The following CAGE1 variants were observed in gnomAD, a reference collection of about 807,000 sequenced individuals.
The protein encoded by CAGE1 is cancer antigen 1.
In CAGE1, 66 loss-of-function variants were observed where a neutral mutation model predicts 94.9. The observed-to-expected ratio is 0.70, with a 90% CI of 0.57 to 0.85. The LOEUF is 0.85. CAGE1 is among the 40% of genes least tolerant of loss of function. The pLI is 0.00. For synonymous variants in CAGE1, 319 were observed against 321.0 expected, an observed-to-expected ratio of 0.99 and a Z score of 0.07; for missense variants, 865 against 950.4, an observed-to-expected ratio of 0.91 and a Z score of 1.18.
At chr6:7,367,978 T>TA (rs1294353539) in intron 7 of CAGE1, among the ~76,000 whole-genome samples, 2 of 152,156 alleles carry the variant, frequency 1.3e-5, no homozygotes, top group African/African-American at 4.8e-5. Context: ...CTCACGCCCG[T>TA]AATCCCAACA....
chr6:7,339,705 A>G lies in CAGE1; in HGVS notation c.2370-5615T>C, dbSNP rs540696390. On this transcript the variant is annotated intron_variant, in intron 11 of 13. Transcript: ENST00000502583. The surrounding 1 kb of genome is among the most constrained non-coding windows in gnomAD (Gnocchi z 4.7). ...TTCCTGAGCTACTTCACTTAGAATA[A>G]TGGTCTCCAATTCCATCTAAGTTGC... is the stretch of plus-strand genomic sequence containing the variant. The G allele has an allele frequency of 1.8e-6, 1 of 546,682 alleles. No individual in the cohort carries two copies. The highest frequency in any genetic ancestry group is 3.2e-5 in the East Asian group (1 of 31,242). 33.9% of individuals were successfully genotyped at this position (546,682 alleles called of 1,614,324 possible).
In CAGE1 at chr6:7,326,870, A is replaced by T. The variant is rs777737725; in HGVS notation, c.2508T>A (p.Asn836Lys). Residue 836 changes from asparagine (N) to lysine (K), a missense_variant, in exon 14 of 14, where the codon AAT becomes AAA. Physicochemically the swap from Asn to Lys is moderately conservative, Grantham distance 94. Transcript: ENST00000502583. ...TCTTCAGGCTTGTTTAATCTAAATC[A>T]TTTCTATTTTCTTTAAAAAGAGCTG... The part of the protein sequence containing the change: ...MMPALFKENR[N>K]DLD The T allele has an allele frequency of 6.3e-7, 1 of 1,580,690 alleles. No individual in the cohort carries two copies.
intron 3 of CAGE1, among the ~76,000 whole-genome samples, chr6:7,384,209 C>T (rs894885434): frequency 5.9e-5 from 9 of 152,002 alleles, no homozygotes; most frequent in African/African-American, 2.2e-4. Context: ...TCCTGAGTAG[C>T]TGGGACTACA....
chr6:7,337,081 G>A (rs1449640480), intron 11 of CAGE1, among the ~76,000 whole-genome samples: 6 of 152,056 alleles, frequency 3.9e-5, no homozygotes, highest in Non-Finnish European at 5.9e-5. Flanking sequence ...CCAGCACTTT[G>A]GGAGGCCGAG....
chr6:7,345,356 AAC>A (rs1759430435), intron 11 of CAGE1, among the ~76,000 whole-genome samples: 3 of 139,642 alleles, frequency 2.1e-5, no homozygotes, highest in African/African-American at 5.4e-5. Context: ...AGAAACTCTG[AAC>A]ACATCAGAAC....
At chr6:7,369,502 G>A (rs1007656390) in intron 6 of CAGE1, among the ~76,000 whole-genome samples, 4 of 152,086 alleles carry the variant, frequency 2.6e-5, no homozygotes, top group African/African-American at 9.7e-5. Context: ...TTCTACTAAT[G>A]TACACAACTC....
intron 3 of CAGE1, 33 bp downstream of exon 3, chr6:7,385,752 T>TAA: frequency 7.3e-7 from 1 of 1,368,270 alleles, no homozygotes; most frequent in Non-Finnish European, 9.9e-7. Flanking sequence ...AAAGTTTCTC[T>TAA]CTTTTGCATA....
chr6:7,370,031 T>C lies in CAGE1; in HGVS notation c.1781A>G (p.Asp594Gly). ...CAGCCTCTCTTCACAAGGTGAGCAATCCGGGAGCAGATTAGAATGTGTCGT... is the reference window on the plus strand; with the variant it reads ...CAGCCTCTCTTCACAAGGTGAGCAACCCGGGAGCAGATTAGAATGTGTCGT... The part of the protein sequence containing the change: ...TKTTHSNLLP[D>G]CSPCEERLNP... Residue 594 changes from aspartate (D) to glycine (G), a missense_variant, in exon 6 of 14, where the codon GAT (aspartate) becomes GGT (glycine). By Grantham distance (94) the Asp-to-Gly change is moderately conservative. Transcript: ENST00000502583. 6.2e-7 allele frequency: 1 copy of C among 1,612,808 alleles called. No individual in the cohort carries two copies. The highest frequency in any genetic ancestry group is 2.2e-5 in the East Asian group (1 of 44,854).
chr6:7,331,290 A>G, intron 12 of CAGE1: 1 of 942,306 alleles, frequency 1.1e-6, no homozygotes, highest in Non-Finnish European at 1.5e-6. Flanking sequence ...GGTTTATCAC[A>G]TGGCAAACAA....
chr6:7,345,045 A>C (rs573266728), intron 11 of CAGE1, among the ~76,000 whole-genome samples: 1 of 152,196 alleles, frequency 6.6e-6, no homozygotes, highest in Non-Finnish European at 1.5e-5. Context: ...CCAAGCCAGC[A>C]GCGGCAGATG....
At chr6:7,352,178 A>AG (rs1759792951) in intron 11 of CAGE1, among the ~76,000 whole-genome samples, 1 of 152,046 alleles carries the variant, frequency 6.6e-6, no homozygotes, top group Admixed American at 6.6e-5. Flanking sequence ...AAACGAATTC[A>AG]GCAACGTTTC....
chr6:7,389,411 G>A lies in CAGE1; in HGVS notation c.-233C>T, dbSNP rs1761257544. The A allele has an allele frequency of 1.1e-5, 5 of 448,282 alleles. No individual in the cohort carries two copies. Among genetic ancestry groups the A allele is most frequent in the South Asian group, 7.8e-5 (5 of 64,148 alleles). The allele number at this position is 448,282 out of a possible 1,614,324, so 27.8% of individuals were successfully genotyped here. On this transcript the variant is annotated 5_prime_UTR_variant, in exon 1 of 14. Coordinates refer to ENST00000502583, the MANE Select transcript of CAGE1 (RefSeq NM_001170692.2). ...AGGACTCTCACAAACTCGCAATCGG[G>A]CTCCCGGAGTGCTGGAACGCCCCTG... is the stretch of plus-strand genomic sequence containing the variant.
intron 11 of CAGE1, among the ~76,000 whole-genome samples, chr6:7,352,340 A>T (rs535077315): frequency 6.6e-6 from 1 of 151,294 alleles, no homozygotes; most frequent in African/African-American, 2.4e-5. Context: ...CTAACCAAAG[A>T]GTCGAAAGAC....
At chr6:7,344,977 G>A (rs1455037358) in intron 11 of CAGE1, among the ~76,000 whole-genome samples, 3 of 152,138 alleles carry the variant, frequency 2.0e-5, no homozygotes, top group South Asian at 2.1e-4. Flanking sequence ...CAGGCCACTC[G>A]GCTCTACCAA....
chr6:7,376,919 A>G (rs957893699), intron 4 of CAGE1, among the ~76,000 whole-genome samples: 1 of 152,210 alleles, frequency 6.6e-6, no homozygotes, highest in Admixed American at 6.5e-5. Context: ...TGTCCTTATC[A>G]TAGATGCCCA....
At chr6:7,377,336 T>C (rs2113461551) in intron 4 of CAGE1, among the ~76,000 whole-genome samples, 1 of 152,340 alleles carries the variant, frequency 6.6e-6, no homozygotes, top group South Asian at 2.1e-4. Context: ...AGAAATCAAC[T>C]TGGACAAATA....
chr6:7,373,425 G>A lies in CAGE1; in HGVS notation c.1394C>T (p.Ala465Val), dbSNP rs200921165. The change falls in exon 5 of 14, where the codon GCC (alanine) becomes GTC (valine). Residue 465 changes from alanine (A) to valine (V), a missense_variant. By Grantham distance (64) the Ala-to-Val change is moderately conservative. Transcript: ENST00000502583. ...CAACAAGTCCAAAGCAGAAGCTGTG[G>A]CCTTTTCCAGTTCTTTTTTGAGTTG... Reference protein sequence around the residue: ...LQQLKKELEKATASALDLLKR... With the variant: ...LQQLKKELEKVTASALDLLKR... The A allele has an allele frequency of 6.2e-7, 1 of 1,613,772 alleles. No homozygotes were observed. Among genetic ancestry groups the A allele is most frequent in the African/African-American group, 1.3e-5 (1 of 74,974 alleles).
Position 7,340,825 on chromosome 6 carries a change from C to T in CAGE1, c.2370-6735G>A, listed in dbSNP as rs969535092. 61 of 409,082 alleles carry T rather than the reference C, an allele frequency of 1.5e-4. No homozygotes were observed. The Admixed American group carries it at 1.7e-3, about 11-fold the overall frequency. The allele number at this position is 409,082 out of a possible 1,614,324, so 25.3% of individuals were successfully genotyped here. ...TCTACTCCCTCAATGCATCTTCCAACTGCTTCACTAGCAAAGCCTGCTTCT... is the reference window on the plus strand; with the variant it reads ...TCTACTCCCTCAATGCATCTTCCAATTGCTTCACTAGCAAAGCCTGCTTCT... On this transcript the variant is annotated intron_variant, in intron 11 of 13. Coordinates refer to ENST00000502583, the MANE Select transcript of CAGE1 (RefSeq NM_001170692.2).
chr6:7,329,962 T>G, intron 12 of CAGE1, 74 bp from the exon 13 acceptor site: 1 of 524,384 alleles, frequency 1.9e-6, no homozygotes, highest in South Asian at 2.1e-5. Context: ...GTGAGCAAGT[T>G]GCCATTATTT....
Sources: gnomAD v4.1 joint callset for allele counts (sites outside exome capture counted in the v4.1 genomes callset) on GRCh38, gnomAD v4.1.1 for gene constraint, Gnocchi (gnomAD v3.1) non-coding constraint, MANE v1.5 for transcripts, NCBI Gene and HGNC (gene_info 2026-07-23, HGNC 2026-07-21) for gene names.